SEC14L1: variants seen among roughly 807,000 people sequenced by gnomAD.
The protein encoded by SEC14L1 is SEC14-like protein 1.
Under a neutral mutation model 85.3 loss-of-function variants are expected in SEC14L1, and 48 were observed. The observed-to-expected ratio is 0.56, with a 90% CI of 0.45 to 0.72. The LOEUF is 0.72. SEC14L1 is among the 30% of genes least tolerant of loss of function. The pLI is 0.00. For missense variants in SEC14L1, 682 were observed against 921.4 expected (o/e 0.74, Z 3.36); for synonymous variants, 391 against 355.5 (o/e 1.10, Z -1.12).
intron 3 of SEC14L1, chr17:77,143,971 TAG>T (rs1973165698): frequency 3.8e-6 from 1 of 261,098 alleles, no homozygotes; most frequent in South Asian, 4.8e-5. Flanking sequence ...TTTCCTTCGT[TAG>T]AGTAGCAAAG....
intron 3 of SEC14L1, among the ~76,000 whole-genome samples, chr17:77,183,398 C>T (rs1041643387): frequency 2.0e-5 from 3 of 152,230 alleles, no homozygotes; most frequent in Non-Finnish European, 4.4e-5. Flanking sequence ...AAGTAAGTTG[C>T]TTTATGTCAT....
Position 77,194,844 on chromosome 17 carries a change from G to A in SEC14L1, c.642G>A (p.Lys214=). 6.2e-7 allele frequency: 1 copy of A among 1,614,212 alleles called. No individual in the cohort carries two copies. The highest frequency in any genetic ancestry group is 8.5e-7 in the Non-Finnish European group (1 of 1,180,042). ...TCGTCATCCCAGAAGCTGCCCTCAAGGAGGGGCTGAGTGGTGATGCCCTCA... is the reference window on the plus strand; with the variant it reads ...TCGTCATCCCAGAAGCTGCCCTCAAAGAGGGGCTGAGTGGTGATGCCCTCA... ...MAVVIPEAAL[K]EGLSGDALSS... The change falls in exon 7 of 17, where the codon AAG becomes AAA. Residue 214 remains lysine, a synonymous_variant. Transcript: ENST00000436233.
At chr17:77,184,161 C>T (rs1975166121) in intron 3 of SEC14L1, among the ~76,000 whole-genome samples, 1 of 152,198 alleles carries the variant, frequency 6.6e-6, no homozygotes, top group Non-Finnish European at 1.5e-5. Flanking sequence ...TTTGTGTCTG[C>T]TTCCGCTGCA....
intron 3 of SEC14L1, among the ~76,000 whole-genome samples, chr17:77,111,437 G>T (rs1456866577): frequency 2.0e-5 from 3 of 150,046 alleles, no homozygotes; most frequent in African/African-American, 7.4e-5. Flanking sequence ...TTGTCGCCCA[G>T]GTTGGAGTGC....
chr17:77,113,317 A>G (rs185254818), intron 3 of SEC14L1, among the ~76,000 whole-genome samples: 1 of 152,282 alleles, frequency 6.6e-6, no homozygotes, highest in Non-Finnish European at 1.5e-5. Context: ...CCCTGTCTAT[A>G]AGAAGTCAGT....
chr17:77,217,009 A>G lies in SEC14L1; in HGVS notation c.*2986A>G, dbSNP rs1424299054. The G allele has an allele frequency of 1.2e-5, 2 of 164,458 alleles. No individual in the cohort carries two copies. Among genetic ancestry groups the G allele is most frequent in the Non-Finnish European group, 2.7e-5 (2 of 74,388 alleles). 10.2% of individuals were successfully genotyped at this position (164,458 alleles called of 1,614,324 possible). ...ATATCAAATTCTGTAAATGTTTTGT[A>G]AACATATTACCTCACTTGGTAATAC... On this transcript the variant is annotated 3_prime_UTR_variant, in exon 17 of 17. Coordinates refer to ENST00000436233, the MANE Select transcript of SEC14L1 (RefSeq NM_001143998.2).
intron 2 of SEC14L1, chr17:77,089,577 T>G: frequency 2.1e-6 from 1 of 465,852 alleles, no homozygotes; most frequent in Non-Finnish European, 4.3e-6. Flanking sequence ...CTGTCATGTC[T>G]TTCATTCAAT....
Position 77,105,987 on chromosome 17 carries a change from GAA to G in SEC14L1, c.-136+12652_-136+12653del, listed in dbSNP as rs112870360. Among the ~76,000 whole-genome samples the G allele has an allele frequency of 8.3e-3, 1,129 of 136,572 alleles. 11 individuals are homozygous for G. Among genetic ancestry groups the G allele is most frequent in the African/African-American group, 0.024 (910 of 37,228 alleles). The allele number at this position is 136,572 out of a possible 152,430, so 89.6% of individuals were successfully genotyped here. The stretch of plus-strand genomic sequence containing the variant: ...TTAAGCAGATAAGTAGAGTTCAGAG[GAA>G]AAAAAAAAAAAGGAAAAGTCAGTCT... On this transcript the variant is annotated intron_variant, in intron 3 of 19. Coordinates refer to the SEC14L1 transcript ENST00000392476.
chr17:77,206,367 G>A lies in SEC14L1; in HGVS notation c.1308G>A (p.Arg436=). ...PETLGRLLIL[R]APRVFPVLWT... is the part of the protein sequence containing the mutation. ...CACTGGGCCGCCTTCTCATCCTGCG[G>A]GCGCCCAGGGTATTTCCTGTGCTCT... is the stretch of plus-strand genomic sequence containing the variant. Residue 436 remains arginine (R), a synonymous_variant, in exon 12 of 17, where the codon CGG becomes CGA. Coordinates refer to ENST00000436233, the MANE Select transcript of SEC14L1 (RefSeq NM_001143998.2). This position sits in a 1 kb window ranked among gnomAD's most constrained non-coding sequence, Gnocchi z 4.3. 6.2e-7 allele frequency: 1 copy of A among 1,614,100 alleles called. No individual in the cohort carries two copies. The highest frequency in any genetic ancestry group is 8.5e-7 in the Non-Finnish European group (1 of 1,180,010).
intron 3 of SEC14L1, among the ~76,000 whole-genome samples, chr17:77,173,644 C>T (rs1467153639): frequency 6.6e-6 from 1 of 152,206 alleles, no homozygotes; most frequent in Non-Finnish European, 1.5e-5. Context: ...CCTCATTTGA[C>T]CCAAACTGTA....
At chr17:77,136,571 C>T (rs886902688), upstream of SEC14L1, among the ~76,000 whole-genome samples, 5 of 152,222 alleles carry the variant, frequency 3.3e-5, no homozygotes, top group African/African-American at 1.2e-4. Context: ...TCCCAGCCTT[C>T]TTTGCTCTTG....
At chr17:77,188,645 T>C (rs1975382707) in intron 3 of SEC14L1, among the ~76,000 whole-genome samples, 1 of 152,178 alleles carries the variant, frequency 6.6e-6, no homozygotes, top group Non-Finnish European at 1.5e-5. Flanking sequence ...CTCTCATTGC[T>C]CTGGGATAAA....
intron 10 of SEC14L1, 118 bp from the exon 11 acceptor site, chr17:77,205,158 C>CT (rs1202981641): frequency 1.2e-6 from 1 of 820,104 alleles, no homozygotes; most frequent in Non-Finnish European, 2.0e-6. Context: ...CCATAGGTGA[C>CT]TTTTTTGATT....
In SEC14L1 at chr17:77,199,971, C is replaced by G. The variant is rs571529813; in HGVS notation, c.820-513C>G. Among the ~76,000 whole-genome samples the G allele has an allele frequency of 2.6e-4, 40 of 152,280 alleles. No individual in the cohort carries two copies. The East Asian group carries it at 7.2e-3, about 27-fold the overall frequency. Reference sequence around the variant, plus strand: ...ATTGCTTGAGCTCAGGCGTTTGAGACCAGCCTGGGCAACATGGGGAAACCA... The same window carrying G: ...ATTGCTTGAGCTCAGGCGTTTGAGAGCAGCCTGGGCAACATGGGGAAACCA... On this transcript the variant is annotated intron_variant, in intron 8 of 16. Transcript: ENST00000436233.
At chr17:77,193,574 G>T in intron 6 of SEC14L1, 25 bp downstream of exon 6, 1 of 1,596,622 alleles carries the variant, frequency 6.3e-7, no homozygotes, top group Non-Finnish European at 8.6e-7. Context: ...GGATTTTGTG[G>T]CAGAGGGTGG....
In SEC14L1 at chr17:77,143,709, A is replaced by G. The variant is rs754436385; in HGVS notation, c.63+50A>G. ...CTCTTTGGCTTCTTATTTATAAAGT[A>G]CAGTGTTAGAATTTGATGATCTATA... On this transcript the variant is annotated intron_variant, in intron 3 of 16. Coordinates refer to ENST00000436233, the MANE Select transcript of SEC14L1 (RefSeq NM_001143998.2). 1.1e-5 allele frequency: 14 copies of G among 1,322,336 alleles called. No homozygotes were observed. In the East Asian group the frequency reaches 3.0e-4, roughly 28 times the overall value. The allele number at this position is 1,322,336 out of a possible 1,614,324, so 81.9% of individuals were successfully genotyped here.
chr17:77,167,549 G>A (rs924950522), intron 3 of SEC14L1, among the ~76,000 whole-genome samples: 1 of 152,078 alleles, frequency 6.6e-6, no homozygotes, highest in Non-Finnish European at 1.5e-5. Context: ...GCAATTACAG[G>A]TTTATAGAAA....
intron 14 of SEC14L1, chr17:77,210,493 G>T (rs1976690872): frequency 6.5e-6 from 1 of 152,838 alleles, no homozygotes; most frequent in Non-Finnish European, 1.5e-5. Flanking sequence ...GCTGACTGCG[G>T]CCTGCTTCCT....
rs753441474 is a variant in SEC14L1 at position 77,214,055 on chromosome 17, G to T, written c.*32G>T. On this transcript the variant is annotated 3_prime_UTR_variant, in exon 17 of 17. Coordinates refer to ENST00000436233, the MANE Select transcript of SEC14L1 (RefSeq NM_001143998.2). ...GCTGCCTGCACCTAGTGTGCAGAGG[G>T]GACGGCCGCCCCTCCTCGGACAGCC... is the stretch of plus-strand genomic sequence containing the variant. 6.3e-7 allele frequency: 1 copy of T among 1,596,074 alleles called. No homozygotes were observed. The highest frequency in any genetic ancestry group is 1.7e-5 in the Admixed American group (1 of 58,018).
Sources: gnomAD v4.1 joint callset for allele counts (sites outside exome capture counted in the v4.1 genomes callset) on GRCh38, gnomAD v4.1.1 for gene constraint, Gnocchi (gnomAD v3.1) non-coding constraint, MANE v1.5 for transcripts, NCBI Gene and HGNC (gene_info 2026-07-23, HGNC 2026-07-21) for gene names.